NUP85: variants seen among roughly 807,000 people sequenced by gnomAD.
The protein encoded by NUP85 is nucleoporin 85, also known as nuclear pore complex protein Nup85.
A neutral mutation model predicts 92.8 loss-of-function variants in NUP85; 23 were observed. The observed-to-expected ratio is 0.25, with a 90% CI of 0.18 to 0.35. NUP85 has a LOEUF of 0.35. Among genes scored for constraint, NUP85 ranks in the 10% least tolerant of loss-of-function variants. NUP85 has a pLI of 1.00. For synonymous variants in NUP85, 314 were observed against 306.9 expected (o/e 1.02, Z -0.24); for missense variants, 759 against 822.8 (o/e 0.92, Z 0.95).
intron 6 of NUP85, among the ~76,000 whole-genome samples, chr17:75,217,361 G>A (rs925533313): frequency 1.5e-5 from 2 of 131,286 alleles, no homozygotes; most frequent in East Asian, 2.3e-4. Flanking sequence ...TTCCTGGCTC[G>A]GCTAATTTTT....
chr17:75,213,247 G>A (rs1401982381), intron 5 of NUP85, 128 bp downstream of exon 5: 1 of 731,902 alleles, frequency 1.4e-6, no homozygotes, highest in Admixed American at 2.5e-5. Context: ...CAGCTCCTTT[G>A]GGTGACAGTG....
intron 11 of NUP85, chr17:75,226,690 T>C (rs1305082760): frequency 2.4e-6 from 1 of 424,758 alleles, no homozygotes; most frequent in East Asian, 7.5e-5. Context: ...TGGGTGAGCT[T>C]AGGGACTTCC....
At chr17:75,233,354 T>C (rs1239734850) in intron 16 of NUP85, among the ~76,000 whole-genome samples, 196 bp downstream of exon 16, 1 of 148,878 alleles carries the variant, frequency 6.7e-6, no homozygotes, top group Non-Finnish European at 1.5e-5. Context: ...TGTTTGTTTG[T>C]TTGTTTGTTT....
chr17:75,218,235 G>C lies in NUP85; in HGVS notation c.526G>C (p.Glu176Gln). The change falls in exon 7 of 19, where the codon GAG becomes CAG. Residue 176 changes from glutamate (E) to glutamine (Q), a missense_variant. Physicochemically the swap from Glu to Gln is conservative, Grantham distance 29 (BLOSUM62 2). Transcript: ENST00000245544. ...LLDWVRLHVC[E>Q]VDSLSADVLG... ...TGACTGGGTCCGGCTCCATGTGTGCGAGGTGGACAGTTTGTCGGCAGATGT... is the reference window on the plus strand; with the variant it reads ...TGACTGGGTCCGGCTCCATGTGTGCCAGGTGGACAGTTTGTCGGCAGATGT... The C allele has an allele frequency of 6.2e-7, 1 of 1,613,996 alleles. No homozygotes were observed. Among genetic ancestry groups the C allele is most frequent in the Non-Finnish European group, 8.5e-7 (1 of 1,179,954 alleles).
intron 14 of NUP85, chr17:75,232,228 C>G: frequency 2.0e-6 from 1 of 496,350 alleles, no homozygotes; most frequent in Non-Finnish European, 3.7e-6. Context: ...CCCCTTTTCT[C>G]ACACACTTGA....
In NUP85 at chr17:75,235,140, G is replaced by A; in HGVS notation, c.1808G>A (p.Cys603Tyr). The A allele has an allele frequency of 2.5e-6, 4 of 1,614,162 alleles. No homozygotes were observed. The highest frequency in any genetic ancestry group is 2.2e-5 in the South Asian group (2 of 91,086). ...SAEQTYELMR[C>Y]LEDLTSRRPV... ...GAACAGACTTATGAGTTGATGCGGTGTCTGGAGGACTTGACGTCAAGAAGA... is the reference window on the plus strand; with the variant it reads ...GAACAGACTTATGAGTTGATGCGGTATCTGGAGGACTTGACGTCAAGAAGA... Residue 603 changes from cysteine (C) to tyrosine (Y), a missense_variant, in exon 18 of 19, where the codon TGT becomes TAT. Cys to Tyr is a radical substitution (Grantham distance 194, BLOSUM62 -2). Coordinates refer to ENST00000245544, the MANE Select transcript of NUP85 (RefSeq NM_024844.5).
chr17:75,235,220 T>C lies in NUP85; in HGVS notation c.1869+19T>C. ...GCTCCAGGTCATTTTCACTTTTGGGTTGATGGTTCCACATGGAGGTGGGAA... is the reference window on the plus strand; with the variant it reads ...GCTCCAGGTCATTTTCACTTTTGGGCTGATGGTTCCACATGGAGGTGGGAA... On this transcript the variant is annotated intron_variant, in intron 18 of 18. Coordinates refer to ENST00000245544, the MANE Select transcript of NUP85 (RefSeq NM_024844.5). The C allele has an allele frequency of 1.3e-6, 2 of 1,589,388 alleles. No individual in the cohort carries two copies. Among genetic ancestry groups the C allele is most frequent in the Non-Finnish European group, 1.7e-6 (2 of 1,161,214 alleles).
chr17:75,232,558 G>A (rs532429325), intron 14 of NUP85, among the ~76,000 whole-genome samples: 10 of 152,172 alleles, frequency 6.6e-5, no homozygotes, highest in Non-Finnish European at 1.2e-4. Context: ...GGAGAAACAC[G>A]TAGGGAGAAA....
intron 7 of NUP85, among the ~76,000 whole-genome samples, chr17:75,220,798 G>C (rs971525552): frequency 3.3e-5 from 5 of 151,308 alleles, no homozygotes; most frequent in African/African-American, 9.7e-5. Flanking sequence ...GTAGAGATGG[G>C]GTTTCATCAT....
intron 2 of NUP85, 64 bp downstream of exon 2, chr17:75,208,684 C>A: frequency 1.1e-6 from 1 of 880,576 alleles, no homozygotes; most frequent in Non-Finnish European, 1.9e-6. Context: ...TGTTTATTAC[C>A]TCAGATTTTA....
intron 11 of NUP85, among the ~76,000 whole-genome samples, chr17:75,227,139 C>T (rs1047055528): frequency 2.6e-5 from 4 of 151,998 alleles, no homozygotes; most frequent in African/African-American, 9.7e-5. Flanking sequence ...TGGGTAATGG[C>T]AGAAGATGGC....
At chr17:75,215,288 C>CA (rs1314522445) in intron 5 of NUP85, among the ~76,000 whole-genome samples, 3 of 152,336 alleles carry the variant, frequency 2.0e-5, no homozygotes, top group East Asian at 3.9e-4. Flanking sequence ...ATGGCTCACT[C>CA]AGACTCAACT....
chr17:75,234,200 T>C (rs376970772), intron 16 of NUP85, among the ~76,000 whole-genome samples: 20 of 151,380 alleles, frequency 1.3e-4, no homozygotes, highest in African/African-American at 4.4e-4. Context: ...TACAGGTGCA[T>C]GCCACCATAC....
Position 75,225,126 on chromosome 17 carries a change from C to A in NUP85, c.621C>A (p.Gly207=). The change falls in exon 8 of 19, where the codon GGC becomes GGA. Residue 207 remains glycine (G), a synonymous_variant. Transcript: ENST00000245544. The part of the protein sequence containing the change: ...WNLVTILVLQ[G]RLDEARQMLS... ...AGGTGACCATCTTGGTGCTGCAGGGCCGGCTGGATGAGGCCCGACAGATGC... is the reference window on the plus strand; with the variant it reads ...AGGTGACCATCTTGGTGCTGCAGGGACGGCTGGATGAGGCCCGACAGATGC... 1 of 1,578,026 alleles carries A rather than the reference C, an allele frequency of 6.3e-7. No homozygotes were observed. Among genetic ancestry groups the A allele is most frequent in the Non-Finnish European group, 8.6e-7 (1 of 1,159,832 alleles).
At chr17:75,222,022 CGTGTG>C (rs555541330) in intron 7 of NUP85, among the ~76,000 whole-genome samples, 35 of 132,432 alleles carry the variant, frequency 2.6e-4, no homozygotes, top group African/African-American at 6.5e-4. Context: ...ATGTTTCTCT[CGTGTG>C]TGTGTGTGTT....
At chr17:75,206,778 A>T (rs1598255360) in intron 1 of NUP85, among the ~76,000 whole-genome samples, 1 of 151,464 alleles carries the variant, frequency 6.6e-6, no homozygotes, top group African/African-American at 2.4e-5. Flanking sequence ...GCTCACTGTA[A>T]CCTCCGCCTC....
chr17:75,232,761 G>A (rs201056666), intron 14 of NUP85, 90 bp from the exon 15 acceptor site: 393 of 1,110,452 alleles, frequency 3.5e-4, no homozygotes, highest in Non-Finnish European at 4.8e-4. Flanking sequence ...GGTGGAGTGA[G>A]GCTGTGAGGC....
chr17:75,231,277 C>G lies in NUP85; in HGVS notation c.1095-63C>G, dbSNP rs528938704. The stretch of plus-strand genomic sequence containing the variant: ...ACATGTGGGGTTTCTTGCTCACCCC[C>G]ACTCTTGTGGGACGCGGCCTGTGCC... On this transcript the variant is annotated intron_variant, in intron 11 of 18. Transcript: ENST00000245544. This position sits in a 1 kb window ranked among gnomAD's most constrained non-coding sequence, Gnocchi z 4.6. 5 of 1,520,794 alleles carry G rather than the reference C, an allele frequency of 3.3e-6. No individual in the cohort carries two copies. Among genetic ancestry groups the G allele is most frequent in the Non-Finnish European group, 4.6e-6 (5 of 1,096,028 alleles). The allele number at this position is 1,520,794 out of a possible 1,614,324, so 94.2% of individuals were successfully genotyped here.
chr17:75,229,811 G>A (rs1457768582), intron 11 of NUP85, among the ~76,000 whole-genome samples: 3 of 152,122 alleles, frequency 2.0e-5, no homozygotes, highest in Non-Finnish European at 4.4e-5. Flanking sequence ...TCCAGTTGTT[G>A]GTGGCTTTCG....
Sources: gnomAD v4.1 joint callset for allele counts (sites outside exome capture counted in the v4.1 genomes callset) on GRCh38, gnomAD v4.1.1 for gene constraint, Gnocchi (gnomAD v3.1) non-coding constraint, MANE v1.5 for transcripts, NCBI Gene and HGNC (gene_info 2026-07-23, HGNC 2026-07-21) for gene names.